Variants in TFAP2D observed in about 807,000 individuals in gnomAD.
TFAP2D encodes the protein transcription factor AP-2 delta, also known as transcription factor AP-2-delta.
In TFAP2D, 9 loss-of-function variants were observed where a neutral mutation model predicts 43.6. That is an observed-to-expected ratio of 0.21 (90% confidence interval 0.12 to 0.36). The LOEUF is 0.36. TFAP2D is among the 10% of genes least tolerant of loss of function. TFAP2D has a pLI of 1.00. For synonymous variants in TFAP2D, 256 were observed against 224.9 expected (o/e 1.14, Z -1.24); for missense variants, 513 against 561.4 (o/e 0.91, Z 0.87).
chr6:50,761,537 G>A (rs1238484715), intron 7 of TFAP2D, among the ~76,000 whole-genome samples: 2 of 151,988 alleles, frequency 1.3e-5, no homozygotes, highest in Non-Finnish European at 2.9e-5. Context: ...TGTTTGCTTA[G>A]TAGGTAGAAA....
chr6:50,749,717 T>G (rs1276679220), intron 6 of TFAP2D, among the ~76,000 whole-genome samples: 1 of 151,902 alleles, frequency 6.6e-6, no homozygotes, highest in South Asian at 2.1e-4. Flanking sequence ...AAAACAGGTA[T>G]ATTTCATAAA....
intron 7 of TFAP2D, among the ~76,000 whole-genome samples, chr6:50,770,682 C>T (rs192535788): frequency 1.3e-5 from 2 of 152,202 alleles, no homozygotes; most frequent in Admixed American, 1.3e-4. Context: ...CCTTAAACCC[C>T]AAATCCTTCA....
chr6:50,754,804 C>T (rs1020641653), intron 7 of TFAP2D, among the ~76,000 whole-genome samples: 5 of 151,762 alleles, frequency 3.3e-5, no homozygotes, highest in Non-Finnish European at 7.4e-5. Flanking sequence ...TCTTTGCCCA[C>T]TTTTTGACCA....
At chr6:50,731,172 A>G (rs923040013) in intron 5 of TFAP2D, among the ~76,000 whole-genome samples, 1 of 151,970 alleles carries the variant, frequency 6.6e-6, no homozygotes, top group Non-Finnish European at 1.5e-5. Flanking sequence ...TACCTCTCCT[A>G]TCCCAAAAGT....
rs541795862 is a variant in TFAP2D, at chr6:50,741,602, C to T, written c.884-3505C>T. On this transcript the variant is annotated intron_variant, in intron 5 of 7. Coordinates refer to ENST00000008391, the MANE Select transcript of TFAP2D (RefSeq NM_172238.4). ...GGCCTAAGACCTAAAGACAGAAATACCATTCTATCCTACTTCTAAAATATG... is the reference window on the plus strand; with the variant it reads ...GGCCTAAGACCTAAAGACAGAAATATCATTCTATCCTACTTCTAAAATATG... Among the ~76,000 whole-genome samples the T allele has an allele frequency of 8.6e-5, 13 of 151,934 alleles. No individual in the cohort carries two copies. In the South Asian group the frequency reaches 2.5e-3, roughly 29 times the overall value.
chr6:50,745,543 T>G (rs184286986), intron 6 of TFAP2D, among the ~76,000 whole-genome samples: 8 of 152,264 alleles, frequency 5.3e-5, no homozygotes, highest in Admixed American at 5.2e-4. Context: ...GAAATGTAGA[T>G]CCCAGGCAAA....
rs141918823 is a variant in TFAP2D, at chr6:50,736,167, G to A, written c.883+6855G>A. Among the ~76,000 whole-genome samples the A allele has an allele frequency of 5.1e-3, 776 of 152,248 alleles. 3 individuals are homozygous for A. Among genetic ancestry groups the A allele is most frequent in the African/African-American group, 0.018 (748 of 41,544 alleles). On this transcript the variant is annotated intron_variant, in intron 5 of 7. Coordinates refer to ENST00000008391, the MANE Select transcript of TFAP2D (RefSeq NM_172238.4). ...TCCCACATTAGTCCCACCTTTGGGA[G>A]AAAGGTTTTCAGCTTTCTTCTAAAA...
rs71305731 is a variant in TFAP2D at position 50,714,104 on chromosome 6, CTTT to C, written c.39+28_39+30del. 7,671 of 1,363,212 alleles carry C rather than the reference CTTT, an allele frequency of 5.6e-3. No homozygotes were observed. The highest frequency in any genetic ancestry group is 0.014 in the African/African-American group (831 of 58,784). The allele number at this position is 1,363,212 out of a possible 1,614,324, so 84.4% of individuals were successfully genotyped here. A position where few individuals can be genotyped will look rare whatever the true frequency, so the allele number is the denominator to read the frequency against. ...AGTCCACGATGCCGAGGTATTATTA[CTTT>C]TTTTTTTTTTTTTTTTTGAGCGCGC... On this transcript the variant is annotated intron_variant, in intron 1 of 7. Coordinates refer to ENST00000008391, the MANE Select transcript of TFAP2D (RefSeq NM_172238.4).
At chr6:50,762,980 A>G (rs1405173827) in intron 7 of TFAP2D, among the ~76,000 whole-genome samples, 1 of 152,052 alleles carries the variant, frequency 6.6e-6, no homozygotes, top group Non-Finnish European at 1.5e-5. Flanking sequence ...TTTAGTTTAG[A>G]CTTTACTGAT....
chr6:50,753,434 A>C (rs1769224732), intron 7 of TFAP2D, among the ~76,000 whole-genome samples: 1 of 151,934 alleles, frequency 6.6e-6, no homozygotes, highest in Non-Finnish European at 1.5e-5. Context: ...TCAGTTGCCA[A>C]CTTAGTGCCA....
chr6:50,762,751 G>A (rs1317962390), intron 7 of TFAP2D, among the ~76,000 whole-genome samples: 1 of 152,082 alleles, frequency 6.6e-6, no homozygotes, highest in Non-Finnish European at 1.5e-5. Context: ...TTCTCAGCAG[G>A]TGATGGTATT....
Position 50,770,958 on chromosome 6 carries a change from C to T in TFAP2D, c.1140-1687C>T, listed in dbSNP as rs186656745. On this transcript the variant is annotated intron_variant, in intron 7 of 7. Transcript: ENST00000008391. ...GATGTTTTTCTATATTATTATGAGA[C>T]GTAGGAAGCAAACTGGTAGTGTCAC... 5.1e-4 allele frequency among the ~76,000 whole-genome samples: 77 copies of T among 151,996 alleles called. No homozygotes were observed. In the Middle Eastern group the frequency reaches 0.021, roughly 41 times the overall value.
chr6:50,747,659 T>C (rs9463642), intron 6 of TFAP2D, among the ~76,000 whole-genome samples: 1,641 of 152,218 alleles, frequency 0.011, 32 homozygotes, highest in African/African-American at 0.037. Context: ...TCTGTTGAAG[T>C]GTGCAGCAGT....
chr6:50,736,893 C>T (rs1392231173), intron 5 of TFAP2D, among the ~76,000 whole-genome samples: 24 of 152,184 alleles, frequency 1.6e-4, no homozygotes, highest in Admixed American at 1.6e-3. Flanking sequence ...GAATTCTCTT[C>T]TTAGTGTCTT....
chr6:50,715,039 C>A, intron 1 of TFAP2D, 77 bp from the exon 2 acceptor site: 1 of 1,545,444 alleles, frequency 6.5e-7, no homozygotes, highest in South Asian at 1.2e-5. Flanking sequence ...CTCCTGGCTC[C>A]GGGAGAGCGG....
intron 7 of TFAP2D, among the ~76,000 whole-genome samples, chr6:50,759,802 T>C (rs1466141414): frequency 6.6e-6 from 1 of 152,024 alleles, no homozygotes; most frequent in Non-Finnish European, 1.5e-5. Flanking sequence ...TGAGGTAAAA[T>C]GGAGTCACAA....
At chr6:50,772,183 A>G (rs1408989535) in intron 7 of TFAP2D, among the ~76,000 whole-genome samples, 2 of 151,448 alleles carry the variant, frequency 1.3e-5, no homozygotes, top group African/African-American at 4.8e-5. Context: ...ATAGGTGGGA[A>G]TTGAACAATG....
At chr6:50,757,414 C>G (rs1385638192) in intron 7 of TFAP2D, among the ~76,000 whole-genome samples, 2 of 121,106 alleles carry the variant, frequency 1.7e-5, no homozygotes, top group Non-Finnish European at 3.3e-5. Context: ...TAATTATTCT[C>G]TCTATATAGA....
chr6:50,722,518 T>C (rs975221906), intron 3 of TFAP2D, among the ~76,000 whole-genome samples: 10 of 152,048 alleles, frequency 6.6e-5, no homozygotes, highest in African/African-American at 9.7e-5. Context: ...ACTCTTTTTT[T>C]CCCCCCTGAA....
Sources: allele counts gnomAD v4.1 joint callset (sites outside exome capture counted in the v4.1 genomes callset), GRCh38; gene constraint gnomAD v4.1.1; transcripts MANE v1.5; gene names NCBI Gene and HGNC (gene_info 2026-07-23, HGNC 2026-07-21).